Variants in CHD4 observed in about 807,000 individuals in gnomAD.
CHD4 encodes the protein ATP-dependent chromatin remodeler CHD4.
In CHD4, 35 loss-of-function variants were observed where a neutral mutation model predicts 235.5. That is an observed-to-expected ratio of 0.15 (90% confidence interval 0.11 to 0.20). The LOEUF (loss-of-function observed/expected upper bound fraction) is 0.20, where lower values mean the gene tolerates loss of function less well. Among genes scored for constraint, CHD4 ranks in the 10% least tolerant of loss-of-function variants. The pLI, the probability that CHD4 is intolerant of heterozygous loss-of-function variation, is 1.00. For synonymous variants in CHD4, 900 were observed against 850.2 expected (o/e 1.06, Z -1.02); for missense variants, 1,329 against 2,432.3 (o/e 0.55, Z 9.54).
intron 2 of CHD4, 41 bp downstream of exon 2, chr12:6,606,233 G>A (rs1160504557): frequency 8.1e-6 from 11 of 1,355,536 alleles, no homozygotes; most frequent in African/African-American, 1.5e-5. Flanking sequence ...GAGAGCCCCA[G>A]ATGTCTCCTT....
In CHD4 at chr12:6,593,641, G is replaced by C; in HGVS notation, c.2314-25C>G. 6.2e-7 allele frequency: 1 copy of C among 1,609,464 alleles called. No individual in the cohort carries two copies. On this transcript the variant is annotated intron_variant, in intron 15 of 39. Coordinates refer to ENST00000544040, the MANE Select transcript of CHD4 (RefSeq NM_001273.5). This position sits in a 1 kb window ranked among gnomAD's most constrained non-coding sequence, Gnocchi z 4.9. ...CCTTTGAGAAAAAAGAGGAGAGTCA[G>C]GACTGAGGGCCCCAGCACACTGCAA...
chr12:6,596,002 T>C lies in CHD4; in HGVS notation c.2024+4A>G, dbSNP rs1948488040. ...AACTCTATGCCTCACCCAAAATCAC[T>C]CACCTGTGATTCCAATAGCTCTGCT... On this transcript the variant is annotated splice_donor_region_variant and intron_variant, in intron 13 of 39. Transcript: ENST00000544040. 6 of 1,597,892 alleles carry C rather than the reference T, an allele frequency of 3.8e-6. No individual in the cohort carries two copies. The highest frequency in any genetic ancestry group is 5.1e-6 in the Non-Finnish European group (6 of 1,172,000).
At chr12:6,585,564 G>A (rs954195378) in intron 25 of CHD4, among the ~76,000 whole-genome samples, 1 of 151,792 alleles carries the variant, frequency 6.6e-6, no homozygotes, top group Admixed American at 6.6e-5. Flanking sequence ...TTACAGGCGT[G>A]AGCCACCACG....
chr12:6,586,194 C>T (rs532612008), intron 25 of CHD4, among the ~76,000 whole-genome samples: 1 of 151,426 alleles, frequency 6.6e-6, no homozygotes, highest in Admixed American at 6.6e-5. Context: ...GTCAGGAGAT[C>T]GAGACCATCC....
intron 39 of CHD4, 34 bp downstream of exon 39, chr12:6,570,834 AG>A (rs752484356): frequency 5.6e-6 from 9 of 1,613,520 alleles, no homozygotes; most frequent in Non-Finnish European, 5.1e-6. Context: ...ATGGTTCTGC[AG>A]GAAGAGGTGG....
intron 8 of CHD4, 22 bp downstream of exon 8, chr12:6,600,512 A>G: frequency 6.2e-7 from 1 of 1,612,930 alleles, no homozygotes. Context: ...TCCCATCACA[A>G]ATATACAGAA....
At chr12:6,589,934 C>T (rs1948362972) in intron 22 of CHD4, 1 of 152,118 alleles carries the variant, frequency 6.6e-6, no homozygotes, top group Non-Finnish European at 1.5e-5. Flanking sequence ...CACAGTGGCT[C>T]ACACCTGTAA....
intron 19 of CHD4, 43 bp from the exon 20 acceptor site, chr12:6,592,100 T>C: frequency 6.2e-7 from 1 of 1,610,488 alleles, no homozygotes; most frequent in East Asian, 2.2e-5. Flanking sequence ...TTGAGAGCCT[T>C]TCAATGACTA....
In CHD4 at chr12:6,594,621, C is replaced by G; in HGVS notation, c.2151G>C (p.Glu717Asp). 6.2e-7 allele frequency: 1 copy of G among 1,613,840 alleles called. No individual in the cohort carries two copies. Among genetic ancestry groups the G allele is most frequent in the Non-Finnish European group, 8.5e-7 (1 of 1,179,890 alleles). ...GGGTTCCACCTGTAGCATCCAGGTACTCTGGCTGTCGCTCATACTTCACTG... is the reference window on the plus strand; with the variant it reads ...GGGTTCCACCTGTAGCATCCAGGTAGTCTGGCTGTCGCTCATACTTCACTG... ...DPTVKYERQP[E>D]YLDATGGTLH... The change falls in exon 15 of 40, where the codon GAG becomes GAC. Residue 717 changes from glutamate (E) to aspartate (D), a missense_variant. Coordinates refer to ENST00000544040, the MANE Select transcript of CHD4 (RefSeq NM_001273.5).
At chr12:6,596,202 A>C (rs1391205737) in intron 12 of CHD4, 65 bp from the exon 13 acceptor site, 28 of 1,592,740 alleles carry the variant, frequency 1.8e-5, no homozygotes, top group African/African-American at 2.7e-5. Flanking sequence ...TCCTCTCAAA[A>C]ACTGGCAATA....
chr12:6,577,430 AAAAAAAAAAC>A (rs1382017598), intron 37 of CHD4, among the ~76,000 whole-genome samples: 3 of 148,740 alleles, frequency 2.0e-5, no homozygotes, highest in East Asian at 1.9e-4. Flanking sequence ...AAAAAAAAAA[AAAAAAAAAAC>A]AACCAGCAGC....
Position 6,577,877 on chromosome 12 carries a change from G to T in CHD4, c.5269C>A (p.Arg1757Ser). 6.2e-7 allele frequency: 1 copy of T among 1,614,194 alleles called. No homozygotes were observed. The highest frequency in any genetic ancestry group is 8.5e-7 in the Non-Finnish European group (1 of 1,180,052). The stretch of plus-strand genomic sequence containing the variant: ...AAAGGCTCATTGAGGATGGCATAGC[G>T]TGGGTCATTCTGGATGTCTTGCCAC... ...ARWQDIQNDP[R>S]YAILNEPFKG... The change falls in exon 37 of 40, where the codon CGC becomes AGC. Residue 1757 changes from arginine to serine, a missense_variant. By Grantham distance (110) the Arg-to-Ser change is moderately radical. Transcript: ENST00000544040.
intron 37 of CHD4, among the ~76,000 whole-genome samples, chr12:6,575,135 G>C (rs1948046237): frequency 1.3e-5 from 2 of 152,106 alleles, no homozygotes; most frequent in Admixed American, 1.3e-4. Context: ...TCCCACAAAG[G>C]GACTATCTGG....
At chr12:6,598,669 C>T (rs892449729) in intron 10 of CHD4, among the ~76,000 whole-genome samples, 4 of 152,056 alleles carry the variant, frequency 2.6e-5, no homozygotes, top group Non-Finnish European at 5.9e-5. Context: ...ATTAGCTGGG[C>T]GTGGTGGCAT....
At chr12:6,577,268 A>G (rs998845907) in intron 37 of CHD4, among the ~76,000 whole-genome samples, 3 of 151,876 alleles carry the variant, frequency 2.0e-5, no homozygotes, top group Admixed American at 6.6e-5. Flanking sequence ...AAAAATCCAA[A>G]AAAAACAGCT....
intron 14 of CHD4, 79 bp downstream of exon 14, chr12:6,595,255 T>A: frequency 8.1e-7 from 1 of 1,231,704 alleles, no homozygotes; most frequent in South Asian, 1.3e-5. Context: ...ATTTCATTAC[T>A]TAAGAGTACC....
rs1009913036 is a variant in CHD4, at chr12:6,570,325, A to T, written c.*351T>A. 1.9e-5 allele frequency: 6 copies of T among 317,176 alleles called. No homozygotes were observed. Among genetic ancestry groups the T allele is most frequent in the Non-Finnish European group, 3.5e-5 (6 of 171,378 alleles). 19.6% of individuals were successfully genotyped at this position (317,176 alleles called of 1,614,324 possible). A position where few individuals can be genotyped will look rare whatever the true frequency, so the allele number is the denominator to read the frequency against. On this transcript the variant is annotated 3_prime_UTR_variant, in exon 40 of 40. Transcript: ENST00000544040. ...AAGAAAACACAAAATAAACCAACAA[A>T]ATAAAACCAAAAGGAGGAAAAAATT...
chr12:6,592,912 G>C, intron 17 of CHD4, 95 bp from the exon 18 acceptor site: 1 of 1,527,822 alleles, frequency 6.5e-7, no homozygotes, highest in Non-Finnish European at 8.8e-7. Flanking sequence ...CAATAGTTAA[G>C]CATCCCACTC....
At chr12:6,600,879 T>C in intron 7 of CHD4, 47 bp downstream of exon 7, 2 of 1,532,838 alleles carry the variant, frequency 1.3e-6, no homozygotes, top group Non-Finnish European at 1.7e-6. Flanking sequence ...TCACATCCTT[T>C]CTATTAGACA....
Sources: allele counts gnomAD v4.1 joint callset (sites outside exome capture counted in the v4.1 genomes callset), GRCh38; gene constraint gnomAD v4.1.1; non-coding constraint Gnocchi (gnomAD v3.1); transcripts MANE v1.5; gene names NCBI Gene and HGNC (gene_info 2026-07-23, HGNC 2026-07-21).